Variants in DYNLT2B observed in about 807,000 individuals in gnomAD.
The protein encoded by DYNLT2B is dynein light chain Tctex-type 2B.
A neutral mutation model predicts 19.5 loss-of-function variants in DYNLT2B; 14 were observed. The ratio of observed to expected loss-of-function variants is 0.72; its 90% CI spans 0.47 to 1.12. The LOEUF (loss-of-function observed/expected upper bound fraction) is 1.12. Ranked by LOEUF, DYNLT2B falls within the 50% of genes most tolerant of loss-of-function variation. The pLI, the probability that DYNLT2B is intolerant of heterozygous loss-of-function variation, is 0.00. For synonymous variants in DYNLT2B, 70 were observed against 59.7 expected (o/e 1.17, Z -0.79); for missense variants, 133 against 174.7 (o/e 0.76, Z 1.35).
At chr3:196,293,676 C>T (rs867830553) in intron 4 of DYNLT2B, among the ~76,000 whole-genome samples, 2 of 135,292 alleles carry the variant, frequency 1.5e-5, no homozygotes, top group South Asian at 2.5e-4. Flanking sequence ...GACAGAGTCT[C>T]GCTCTGTCTC....
At position 196,291,233 on chromosome 3, in the gene DYNLT2B, T is replaced by G; in HGVS notation, c.*94A>C. On this transcript the variant is annotated 3_prime_UTR_variant, in exon 5 of 5. Coordinates refer to ENST00000325318, the MANE Select transcript of DYNLT2B (RefSeq NM_152773.5). ...AACACAACAGATTCAGTTGTCAAAC[T>G]ACTAACATCTTTATTTTGTCAAGAT... is the stretch of plus-strand genomic sequence containing the variant. The G allele has an allele frequency of 8.5e-7, 1 of 1,177,090 alleles. No homozygotes were observed. Among genetic ancestry groups the G allele is most frequent in the Non-Finnish European group, 1.2e-6 (1 of 831,146 alleles). 72.9% of individuals were successfully genotyped at this position (1,177,090 alleles called of 1,614,324 possible). A position where few individuals can be genotyped will look rare whatever the true frequency, so the allele number is the denominator to read the frequency against.
At chr3:196,314,745 C>A (rs1055115260) in intron 2 of DYNLT2B, among the ~76,000 whole-genome samples, 1 of 151,764 alleles carries the variant, frequency 6.6e-6, no homozygotes, top group Non-Finnish European at 1.5e-5. Flanking sequence ...TCGCTTGAGC[C>A]AGGAGGTCAA....
At chr3:196,317,901 C>T in intron 1 of DYNLT2B, 139 bp downstream of exon 1, 1 of 366,160 alleles carries the variant, frequency 2.7e-6, no homozygotes. Flanking sequence ...GCCGCCCGCC[C>T]GCCTCGCGGC....
At chr3:196,309,140 G>A (rs1003574320) in intron 2 of DYNLT2B, among the ~76,000 whole-genome samples, 1 of 152,246 alleles carries the variant, frequency 6.6e-6, no homozygotes, top group African/African-American at 2.4e-5. Context: ...CTTCTGCTGG[G>A]TGCCATGGCT....
chr3:196,312,300 G>C (rs1013169566), intron 2 of DYNLT2B, among the ~76,000 whole-genome samples: 1 of 152,140 alleles, frequency 6.6e-6, no homozygotes, highest in Admixed American at 6.6e-5. Flanking sequence ...ATACAGGCGT[G>C]AGCCACCACG....
chr3:196,300,508 T>A (rs1394292016), intron 3 of DYNLT2B, among the ~76,000 whole-genome samples: 1 of 151,970 alleles, frequency 6.6e-6, no homozygotes, highest in African/African-American at 2.4e-5. Flanking sequence ...AGTGGGTGGA[T>A]CACCTGAGGT....
intron 1 of DYNLT2B, among the ~76,000 whole-genome samples, chr3:196,317,073 GT>G (rs1726852679): frequency 7.9e-6 from 1 of 126,928 alleles, no homozygotes; most frequent in Admixed American, 8.1e-5. Context: ...GTGTGTGTGT[GT>G]GTGTGTGTGT....
chr3:196,296,490 G>T (rs909557587), intron 3 of DYNLT2B, among the ~76,000 whole-genome samples: 1 of 152,154 alleles, frequency 6.6e-6, no homozygotes, highest in African/African-American at 2.4e-5. Flanking sequence ...CTAGAATTCA[G>T]TCTTCTAACG....
rs1162554533 is a variant in DYNLT2B, at chr3:196,296,032, T to C, written c.355A>G (p.Asn119Asp). 6.2e-7 allele frequency: 1 copy of C among 1,614,062 alleles called. No individual in the cohort carries two copies. Residue 119 changes from asparagine (N) to aspartate (D), a missense_variant, in exon 4 of 5, where the codon AAC (asparagine) becomes GAC (aspartate). By Grantham distance (23) the Asn-to-Asp change is conservative. Coordinates refer to ENST00000325318, the MANE Select transcript of DYNLT2B (RefSeq NM_152773.5). Reference sequence around the variant, plus strand: ...TTCATGAAAACATCATGAGTATAGTTGTCAGTGTCAGCATCCCAGAAACAG... The same window carrying C: ...TTCATGAAAACATCATGAGTATAGTCGTCAGTGTCAGCATCCCAGAAACAG... The part of the protein sequence containing the change: ...SRCFWDADTD[N>D]YTHDVFMNDS...
chr3:196,314,608 C>T (rs1157012424), intron 2 of DYNLT2B, among the ~76,000 whole-genome samples: 1 of 151,780 alleles, frequency 6.6e-6, no homozygotes, highest in African/African-American at 2.4e-5. Context: ...AGGCCAGGAG[C>T]TCAAGATCAG....
At chr3:196,293,924 T>C (rs925682852) in intron 4 of DYNLT2B, among the ~76,000 whole-genome samples, 9 of 150,388 alleles carry the variant, frequency 6.0e-5, no homozygotes, top group Non-Finnish European at 1.0e-4. Context: ...ATTACAGGCA[T>C]GAGCCACCGT....
intron 2 of DYNLT2B, among the ~76,000 whole-genome samples, chr3:196,308,145 G>A (rs1239533088): frequency 6.6e-6 from 1 of 151,288 alleles, no homozygotes; most frequent in Non-Finnish European, 1.5e-5. Flanking sequence ...TATAATTCAA[G>A]GAGTGGCATG....
chr3:196,291,226 G>A lies in DYNLT2B; in HGVS notation c.*101C>T. On this transcript the variant is annotated 3_prime_UTR_variant, in exon 5 of 5. Transcript: ENST00000325318. ...GGCCTAAAACACAACAGATTCAGTT[G>A]TCAAACTACTAACATCTTTATTTTG... 1.8e-6 allele frequency: 2 copies of A among 1,089,140 alleles called. No individual in the cohort carries two copies. Among genetic ancestry groups the A allele is most frequent in the Non-Finnish European group, 2.6e-6 (2 of 758,100 alleles). The allele number at this position is 1,089,140 out of a possible 1,614,324, so 67.5% of individuals were successfully genotyped here.
chr3:196,306,998 G>T lies in DYNLT2B; in HGVS notation c.262C>A (p.Arg88=). The T allele has an allele frequency of 6.2e-7, 1 of 1,613,322 alleles. No homozygotes were observed. Among genetic ancestry groups the T allele is most frequent in the Non-Finnish European group, 8.5e-7 (1 of 1,179,602 alleles). ...KDKLKEMGFD[R]YKMVVQVVIG... Reference sequence around the variant, plus strand: ...ACTACTTGCACCACCATTTTGTATCGGTCAAATCCCATTTCTAGAAAGAAA... The same window carrying T: ...ACTACTTGCACCACCATTTTGTATCTGTCAAATCCCATTTCTAGAAAGAAA... The change falls in exon 3 of 5, where the codon CGA becomes AGA. Residue 88 remains arginine (R), a synonymous_variant. Coordinates refer to ENST00000325318, the MANE Select transcript of DYNLT2B (RefSeq NM_152773.5).
Position 196,318,079 on chromosome 3 carries a change from G to A in DYNLT2B, c.74C>T (p.Pro25Leu). 1 of 1,565,268 alleles carries A rather than the reference G, an allele frequency of 6.4e-7. No homozygotes were observed. Among genetic ancestry groups the A allele is most frequent in the African/African-American group, 1.4e-5 (1 of 70,894 alleles). The change falls in exon 1 of 5, where the codon CCC becomes CTC. Residue 25 changes from proline to leucine, a missense_variant. Coordinates refer to ENST00000325318, the MANE Select transcript of DYNLT2B (RefSeq NM_152773.5). ...AGGCCGCAGAATATAGGTGTTCTCG[G>A]GCTCCCCTGCGTTCTTCTCAGCCTC... The part of the protein sequence containing the change: ...VPEAEKNAGE[P>L]ENTYILRPVF...
chr3:196,315,625 C>A (rs1002511569), intron 2 of DYNLT2B, among the ~76,000 whole-genome samples: 1 of 151,844 alleles, frequency 6.6e-6, no homozygotes, highest in African/African-American at 2.4e-5. Flanking sequence ...GTAATCCCAG[C>A]ACCTTGAGAG....
At chr3:196,307,103 C>T in intron 2 of DYNLT2B, 91 bp from the exon 3 acceptor site, 1 of 1,101,338 alleles carries the variant, frequency 9.1e-7, no homozygotes, top group Non-Finnish European at 1.4e-6. Flanking sequence ...CATAAACATT[C>T]AATCCACAAG....
intron 4 of DYNLT2B, 34 bp downstream of exon 4, chr3:196,295,972 T>A: frequency 6.3e-7 from 1 of 1,590,528 alleles, no homozygotes; most frequent in Non-Finnish European, 8.6e-7. Context: ...CCCACGTTCT[T>A]AGAAAGGGAA....
intron 4 of DYNLT2B, 145 bp from the exon 5 acceptor site, chr3:196,291,519 C>A (rs151078629): frequency 4.1e-5 from 31 of 751,700 alleles, no homozygotes; most frequent in Admixed American, 9.5e-5. Flanking sequence ...CACTCTATCA[C>A]CCAGGCTGGA....
Sources: gnomAD v4.1 joint callset for allele counts (sites outside exome capture counted in the v4.1 genomes callset) on GRCh38, gnomAD v4.1.1 for gene constraint, MANE v1.5 for transcripts, NCBI Gene and HGNC (gene_info 2026-07-23, HGNC 2026-07-21) for gene names.